Variants in AGBL4 observed in about 807,000 individuals in gnomAD.
AGBL4 encodes cytosolic carboxypeptidase 6.
In AGBL4, 58 loss-of-function variants were observed where a neutral mutation model predicts 66.4. That is an observed-to-expected ratio of 0.87 (90% CI 0.71 to 1.09). AGBL4 has a LOEUF of 1.09. Ranked by LOEUF, AGBL4 falls within the 50% of genes least tolerant of loss-of-function variation. The pLI, the probability that AGBL4 is intolerant of heterozygous loss-of-function variation, is 0.00. For missense variants in AGBL4, 579 were observed against 631.0 expected (o/e 0.92, Z 0.88); for synonymous variants, 234 against 222.9 (o/e 1.05, Z -0.44).
At position 49,665,208 on chromosome 1, in the gene AGBL4, C is replaced by G. The variant is rs80253988; in HGVS notation, c.282+32105G>C. Among the ~76,000 whole-genome samples the G allele has an allele frequency of 3.3e-3, 498 of 152,262 alleles. 3 individuals carry two copies. Among genetic ancestry groups the G allele is most frequent in the Non-Finnish European group, 5.3e-3 (363 of 67,992 alleles). On this transcript the variant is annotated intron_variant, in intron 3 of 13. Transcript: ENST00000371839. ...AGTTACCCTTACTTCCTATAGTACC[C>G]TACAGCTCCAACAATCCTAATAGAC...
chr1:49,754,921 C>G (rs886839360), intron 2 of AGBL4, among the ~76,000 whole-genome samples: 132 of 152,316 alleles, frequency 8.7e-4, no homozygotes, highest in African/African-American at 3.1e-3. Context: ...TGACCACAGG[C>G]AGAATTTCCT....
chr1:49,955,519 A>G (rs1361220005), intron 1 of AGBL4, among the ~76,000 whole-genome samples: 1 of 151,908 alleles, frequency 6.6e-6, no homozygotes, highest in Non-Finnish European at 1.5e-5. Flanking sequence ...ATATATTCTA[A>G]TGAGATCTAA....
At chr1:48,786,037 A>G (rs1019485562) in intron 6 of AGBL4, among the ~76,000 whole-genome samples, 3 of 152,036 alleles carry the variant, frequency 2.0e-5, no homozygotes, top group African/African-American at 7.2e-5. Flanking sequence ...AGACAACTCT[A>G]GGTTACCATT....
intron 2 of AGBL4, among the ~76,000 whole-genome samples, chr1:49,772,294 T>C (rs1036173342): frequency 6.6e-6 from 1 of 152,166 alleles, no homozygotes; most frequent in Non-Finnish European, 1.5e-5. Flanking sequence ...TTTTGGTTAA[T>C]TTATATCTTT....
Position 49,258,781 on chromosome 1 carries a change from G to A in AGBL4, c.283-12917C>T, listed in dbSNP as rs1285589183. 9.2e-5 allele frequency among the ~76,000 whole-genome samples: 14 copies of A among 152,158 alleles called. 1 individual carries two copies. In the East Asian group the frequency reaches 1.2e-3, roughly 13 times the overall value. ...CCCCAATCTAGCAAGGCAGGCCAAC[G>A]TTCAGATTCAGGAAATACAGAGAAT... On this transcript the variant is annotated intron_variant, in intron 3 of 13. Coordinates refer to ENST00000371839, the MANE Select transcript of AGBL4 (RefSeq NM_032785.4).
chr1:48,568,874 C>T (rs1302539664), intron 11 of AGBL4, among the ~76,000 whole-genome samples: 4 of 152,278 alleles, frequency 2.6e-5, no homozygotes, highest in Non-Finnish European at 5.9e-5. Context: ...TTTGGATGTC[C>T]GTTTCTCCAT....
intron 9 of AGBL4, among the ~76,000 whole-genome samples, chr1:48,629,836 G>A (rs2148408479): frequency 6.6e-6 from 1 of 152,280 alleles, no homozygotes; most frequent in Non-Finnish European, 1.5e-5. Context: ...AGTGATGGTG[G>A]CAGTGGGATC....
At chr1:48,540,096 C>T (rs1644040786) in intron 11 of AGBL4, among the ~76,000 whole-genome samples, 1 of 152,124 alleles carries the variant, frequency 6.6e-6, no homozygotes, top group Non-Finnish European at 1.5e-5. Flanking sequence ...GGTCTAGCCT[C>T]AGGTGGCTCA....
Position 49,960,229 on chromosome 1 carries a change from T to C in AGBL4, c.34+63534A>G, listed in dbSNP as rs1004136253. On this transcript the variant is annotated intron_variant, in intron 1 of 13. Coordinates refer to ENST00000371839, the MANE Select transcript of AGBL4 (RefSeq NM_032785.4). The stretch of plus-strand genomic sequence containing the variant: ...GTATATATACACAATGAAGTACTAT[T>C]CGCCCATAAAAAAGAATAAAATCAT... Among the ~76,000 whole-genome samples the C allele has an allele frequency of 1.3e-5, 2 of 152,112 alleles. 1 individual carries two copies. The highest frequency in any genetic ancestry group is 4.8e-5 in the African/African-American group (2 of 41,434).
rs937959679 is a variant in AGBL4 at position 49,223,601 on chromosome 1, A to G, written c.377+22169T>C. Reference sequence around the variant, plus strand: ...GTAGGCCTCTTTTTCAAAAATTATTATTAATTTCAAACTGACAGCAGACTG... The same window carrying G: ...GTAGGCCTCTTTTTCAAAAATTATTGTTAATTTCAAACTGACAGCAGACTG... On this transcript the variant is annotated intron_variant, in intron 4 of 13. Transcript: ENST00000371839. Among the ~76,000 whole-genome samples, 3 of 152,178 alleles carry G rather than the reference A, an allele frequency of 2.0e-5. No individual in the cohort carries two copies. In the South Asian group the frequency reaches 6.2e-4, roughly 31 times the overall value.
chr1:49,808,678 C>T (rs931188089), intron 2 of AGBL4, among the ~76,000 whole-genome samples: 7 of 152,006 alleles, frequency 4.6e-5, no homozygotes, highest in African/African-American at 1.7e-4. Flanking sequence ...TTCCTAAATA[C>T]TTATAAATAT....
At chr1:48,871,215 G>A (rs1387178667) in intron 5 of AGBL4, among the ~76,000 whole-genome samples, 1 of 152,104 alleles carries the variant, frequency 6.6e-6, no homozygotes, top group Non-Finnish European at 1.5e-5. Context: ...TAATATGGAT[G>A]GTAGGATAGG....
intron 6 of AGBL4, among the ~76,000 whole-genome samples, chr1:48,758,680 G>A (rs752387492): frequency 1.3e-5 from 2 of 152,140 alleles, no homozygotes; most frequent in Non-Finnish European, 2.9e-5. Flanking sequence ...ACCCATGTTC[G>A]CCAATGTTCC....
chr1:49,317,527 C>A (rs1438014009), intron 3 of AGBL4, among the ~76,000 whole-genome samples: 1 of 151,738 alleles, frequency 6.6e-6, no homozygotes, highest in East Asian at 1.9e-4. Context: ...TCTACTGAGA[C>A]ATTATATTCA....
At chr1:48,916,351 A>G (rs1410766864) in intron 5 of AGBL4, among the ~76,000 whole-genome samples, 1 of 152,206 alleles carries the variant, frequency 6.6e-6, no homozygotes, top group Non-Finnish European at 1.5e-5. Flanking sequence ...CTCTAGCCAC[A>G]GAGGAAACAT....
At chr1:48,662,451 A>G (rs1350874711) in intron 7 of AGBL4, among the ~76,000 whole-genome samples, 1 of 152,210 alleles carries the variant, frequency 6.6e-6, no homozygotes, top group African/African-American at 2.4e-5. Context: ...CAGGCGTTTC[A>G]TATCTCTTTG....
chr1:49,950,574 A>G (rs1474936614), intron 1 of AGBL4, among the ~76,000 whole-genome samples: 3 of 151,798 alleles, frequency 2.0e-5, no homozygotes, highest in South Asian at 2.1e-4. Flanking sequence ...ATAAATAAAT[A>G]AAATTTTAAA....
At chr1:49,305,905 G>T (rs1301801699) in intron 3 of AGBL4, among the ~76,000 whole-genome samples, 1 of 152,098 alleles carries the variant, frequency 6.6e-6, no homozygotes, top group Non-Finnish European at 1.5e-5. Flanking sequence ...GGTCAGACTG[G>T]TCTCAAACTC....
intron 3 of AGBL4, among the ~76,000 whole-genome samples, chr1:49,318,165 G>A (rs966031938): frequency 6.6e-6 from 1 of 151,860 alleles, no homozygotes; most frequent in African/African-American, 2.4e-5. Flanking sequence ...TATTTATTAT[G>A]TTTAAGGCCC....
Sources: allele counts gnomAD v4.1 joint callset (sites outside exome capture counted in the v4.1 genomes callset), GRCh38; gene constraint gnomAD v4.1.1; transcripts MANE v1.5; gene names NCBI Gene and HGNC (gene_info 2026-07-23, HGNC 2026-07-21).